EDAR: variants seen among roughly 807,000 people sequenced by gnomAD.
EDAR encodes tumor necrosis factor receptor superfamily member EDAR.
A neutral mutation model predicts 51.3 loss-of-function variants in EDAR; 38 were observed. That is an observed-to-expected ratio of 0.74 (90% CI 0.57 to 0.97). The LOEUF (loss-of-function observed/expected upper bound fraction) is 0.97. Ranked by LOEUF, EDAR falls within the 50% of genes least tolerant of loss-of-function variation. The probability of loss-of-function intolerance (pLI) is 0.00; values close to 1 mark genes in which losing one functional copy is unlikely to be tolerated. For missense variants in EDAR, 528 were observed against 595.0 expected, an observed-to-expected ratio of 0.89 and a Z score of 1.17; for synonymous variants, 227 against 242.1, an observed-to-expected ratio of 0.94 and a Z score of 0.58.
At chr2:108,899,949 G>C (rs914299851) in intron 11 of EDAR, among the ~76,000 whole-genome samples, 1 of 152,100 alleles carries the variant, frequency 6.6e-6, no homozygotes. Context: ...TCGTGTCACT[G>C]CTCTCCAACC....
chr2:108,902,570 A>G (rs1003774052), intron 11 of EDAR, among the ~76,000 whole-genome samples: 3 of 152,308 alleles, frequency 2.0e-5, no homozygotes, highest in Non-Finnish European at 4.4e-5. Flanking sequence ...AAAACCAGAC[A>G]AAGACAAAAA....
At chr2:108,981,300 C>T (rs964323193) in intron 1 of EDAR, among the ~76,000 whole-genome samples, 4 of 152,188 alleles carry the variant, frequency 2.6e-5, no homozygotes, top group Non-Finnish European at 5.9e-5. Context: ...GAGCCGCACC[C>T]GCCCCAGGTG....
intron 5 of EDAR, among the ~76,000 whole-genome samples, chr2:108,921,720 C>T (rs1381955346): frequency 6.6e-6 from 1 of 152,210 alleles, no homozygotes; most frequent in Non-Finnish European, 1.5e-5. Flanking sequence ...GGGTGGAGGG[C>T]ATCACTCTGT....
chr2:108,979,153 T>A (rs543801665), intron 1 of EDAR, among the ~76,000 whole-genome samples: 3 of 152,202 alleles, frequency 2.0e-5, no homozygotes, highest in Non-Finnish European at 4.4e-5. Context: ...CCTCTCACTG[T>A]GTTTCTCCAT....
intron 1 of EDAR, among the ~76,000 whole-genome samples, chr2:108,970,162 C>G (rs1159693584): frequency 1.3e-5 from 2 of 152,140 alleles, no homozygotes; most frequent in Non-Finnish European, 1.5e-5. Flanking sequence ...GGAGCATCGC[C>G]TGGGAGCTCC....
chr2:108,956,329 A>G (rs1697925548), intron 1 of EDAR, among the ~76,000 whole-genome samples: 1 of 152,208 alleles, frequency 6.6e-6, no homozygotes, highest in Non-Finnish European at 1.5e-5. Context: ...TGAGAGTGTT[A>G]TGATGCCTGT....
intron 1 of EDAR, among the ~76,000 whole-genome samples, chr2:108,940,934 G>A (rs1416570342): frequency 1.3e-5 from 2 of 152,318 alleles, no homozygotes; most frequent in African/African-American, 4.8e-5. Context: ...ACAGGTGGGA[G>A]ACTTTGATAA....
chr2:108,944,212 C>T (rs1409953120), intron 1 of EDAR, among the ~76,000 whole-genome samples: 2 of 152,190 alleles, frequency 1.3e-5, no homozygotes, highest in Non-Finnish European at 2.9e-5. Context: ...CTCCTGGGCT[C>T]AGGCAATTCT....
Position 108,957,203 on chromosome 2 carries a change from C to A in EDAR, c.-18-26171G>T, listed in dbSNP as rs1344286173. Among the ~76,000 whole-genome samples, 3 of 152,228 alleles carry A rather than the reference C, an allele frequency of 2.0e-5. No individual in the cohort carries two copies. In the East Asian group the frequency reaches 5.8e-4, roughly 29 times the overall value. ...GGGTGCCACTGACAACCAGTTCCAG[C>A]CCTCACACTGCATCTCCACCAAATT... On this transcript the variant is annotated intron_variant, in intron 1 of 11. Transcript: ENST00000258443.
At chr2:108,901,563 CAAGG>C in intron 11 of EDAR, among the ~76,000 whole-genome samples, 1 of 151,878 alleles carries the variant, frequency 6.6e-6, no homozygotes, top group South Asian at 2.1e-4. Context: ...ATATAACTGA[CAAGG>C]AAAAAATAGA....
intron 1 of EDAR, among the ~76,000 whole-genome samples, chr2:108,947,841 C>A (rs979770497): frequency 2.6e-5 from 4 of 152,220 alleles, no homozygotes; most frequent in South Asian, 2.1e-4. Flanking sequence ...ACTGTCTTGA[C>A]TATTAACATT....
intron 1 of EDAR, among the ~76,000 whole-genome samples, chr2:108,938,730 TATC>T (rs148849933): frequency 0.015 from 2,230 of 152,160 alleles, 26 homozygotes; most frequent in South Asian, 0.029. Context: ...TCAGAAAAGT[TATC>T]ATAACTAACA....
intron 5 of EDAR, among the ~76,000 whole-genome samples, chr2:108,915,621 C>G (rs1558805269): frequency 6.6e-6 from 1 of 152,076 alleles, no homozygotes; most frequent in Non-Finnish European, 1.5e-5. Flanking sequence ...AAGAGCTGCC[C>G]AGGCACGGTG....
chr2:108,912,448 C>A lies in EDAR; in HGVS notation c.529+230G>T, dbSNP rs139625192. ...CCTGCCGCTATGCCCCCGCCTTCAC[C>A]ACCAGCACCTCCCAGCGGTCCCAGG... On this transcript the variant is annotated intron_variant, in intron 6 of 11. Transcript: ENST00000258443. Among the ~76,000 whole-genome samples the A allele has an allele frequency of 1.6e-3, 246 of 152,310 alleles. 1 individual carries two copies. The highest frequency in any genetic ancestry group is 2.7e-3 in the Non-Finnish European group (187 of 68,034).
rs547033237 is a variant in EDAR at position 108,947,472 on chromosome 2, T to G, written c.-18-16440A>C. ...TCCAACTGCATTGCCTTGGTAGAGG[T>G]TCTCCATGAGGGCTTCACCCCTGCA... On this transcript the variant is annotated intron_variant, in intron 1 of 11. Coordinates refer to ENST00000258443, the MANE Select transcript of EDAR (RefSeq NM_022336.4). 5.3e-5 allele frequency among the ~76,000 whole-genome samples: 8 copies of G among 152,170 alleles called. No homozygotes were observed. The East Asian group carries it at 1.2e-3, about 22-fold the overall frequency.
At chr2:108,921,302 C>A (rs1697134834) in intron 5 of EDAR, among the ~76,000 whole-genome samples, 1 of 152,190 alleles carries the variant, frequency 6.6e-6, no homozygotes, top group Non-Finnish European at 1.5e-5. Flanking sequence ...GCAGCTGCGA[C>A]CCATTGTCTG....
chr2:108,965,670 C>A (rs1245256568), intron 1 of EDAR, among the ~76,000 whole-genome samples: 1 of 151,964 alleles, frequency 6.6e-6, no homozygotes, highest in Non-Finnish European at 1.5e-5. Flanking sequence ...GTGACTGCTG[C>A]AGTGGGAGAG....
At chr2:108,948,831 G>T (rs918414700) in intron 1 of EDAR, among the ~76,000 whole-genome samples, 3 of 152,270 alleles carry the variant, frequency 2.0e-5, no homozygotes, top group African/African-American at 7.2e-5. Flanking sequence ...CTAAAAAGTA[G>T]AGTTGGCCAG....
intron 1 of EDAR, among the ~76,000 whole-genome samples, chr2:108,941,788 A>C (rs1464338756): frequency 6.6e-6 from 1 of 152,216 alleles, no homozygotes; most frequent in African/African-American, 2.4e-5. Flanking sequence ...AGAAGCAAAC[A>C]GCCCATGTGT....
Sources: allele counts gnomAD v4.1 joint callset (sites outside exome capture counted in the v4.1 genomes callset), GRCh38; gene constraint gnomAD v4.1.1; transcripts MANE v1.5; gene names NCBI Gene and HGNC (gene_info 2026-07-23, HGNC 2026-07-21).